Variants in DARS2 observed in about 807,000 individuals in gnomAD.
DARS2 encodes aspartate--tRNA ligase, mitochondrial.
DARS2 carries 63 observed loss-of-function variants against 83.0 expected under a neutral mutation model. The ratio of observed to expected loss-of-function variants is 0.76; its 90% confidence interval spans 0.62 to 0.94. The LOEUF is 0.94. Ranked by LOEUF, DARS2 falls within the 40% of genes least tolerant of loss-of-function variation. DARS2 has a pLI of 0.00. For synonymous variants in DARS2, 250 were observed against 269.3 expected, an observed-to-expected ratio of 0.93 and a Z score of 0.70; for missense variants, 675 against 774.4, an observed-to-expected ratio of 0.87 and a Z score of 1.52.
chr1:173,826,075 T>A (rs1227412912), intron 1 of DARS2, among the ~76,000 whole-genome samples: 4 of 151,118 alleles, frequency 2.6e-5, no homozygotes, highest in East Asian at 2.0e-4. Flanking sequence ...AAAAAAAAAA[T>A]TAGCCGGGCG....
At chr1:173,826,552 T>A (rs1379206035) in intron 1 of DARS2, 135 bp from the exon 2 acceptor site, 8 of 664,284 alleles carry the variant, frequency 1.2e-5, no homozygotes, top group Non-Finnish European at 2.1e-5. Context: ...CTCTGACTTA[T>A]TTTATTTTAT....
At chr1:173,853,316 A>T in intron 13 of DARS2, 33 bp from the exon 14 acceptor site, 1 of 1,597,248 alleles carries the variant, frequency 6.3e-7, no homozygotes, top group Non-Finnish European at 8.6e-7. Context: ...TCTGTCAAGA[A>T]GTTAACTCAA....
Position 173,857,568 on chromosome 1 carries a change from G to A in DARS2, c.1801G>A (p.Val601Ile), listed in dbSNP as rs755343936. The A allele has an allele frequency of 5.6e-6, 9 of 1,614,208 alleles. No individual in the cohort carries two copies. The South Asian group carries it at 8.8e-5, about 16-fold the overall frequency. The change falls in exon 17 of 17, where the codon GTC becomes ATC. Residue 601 changes from valine to isoleucine, a missense_variant. Physicochemically the swap from Val to Ile is conservative, Grantham distance 29. Coordinates refer to ENST00000649689, the MANE Select transcript of DARS2 (RefSeq NM_018122.5). ...CACTGGATCTCCAAGCATCAGAGAT[G>A]TCATAGCCTTCCCAAAGTCCTTCCG... ...LVTGSPSIRD[V>I]IAFPKSFRGH...
rs1230620136 is a variant in DARS2 at position 173,840,841 on chromosome 1, T to C, written c.1021-25T>C. The C allele has an allele frequency of 3.2e-6, 4 of 1,263,728 alleles. No individual in the cohort carries two copies. The South Asian group carries it at 4.8e-5, about 15-fold the overall frequency. 78.3% of individuals were successfully genotyped at this position (1,263,728 alleles called of 1,614,324 possible). On this transcript the variant is annotated intron_variant, in intron 10 of 16. Coordinates refer to ENST00000649689, the MANE Select transcript of DARS2 (RefSeq NM_018122.5). ...ATAAAAATTACTTCATATTTAGTTA[T>C]CTCTTTTTGTTACCCATTTTCCAGA...
intron 2 of DARS2, among the ~76,000 whole-genome samples, chr1:173,827,954 T>C (rs1309744046): frequency 6.6e-6 from 1 of 152,230 alleles, no homozygotes; most frequent in Non-Finnish European, 1.5e-5. Flanking sequence ...TTTTACTATA[T>C]GCAAAGTTTC....
At chr1:173,835,131 T>A (rs550462563) in intron 7 of DARS2, among the ~76,000 whole-genome samples, 2 of 151,156 alleles carry the variant, frequency 1.3e-5, no homozygotes, top group African/African-American at 4.9e-5. Context: ...ATTTTTTGTT[T>A]TTGTTTTTGT....
intron 5 of DARS2, among the ~76,000 whole-genome samples, chr1:173,832,291 T>G (rs533255771): frequency 1.3e-5 from 2 of 152,210 alleles, no homozygotes; most frequent in Admixed American, 1.3e-4. Flanking sequence ...CATGGCCAAT[T>G]GGTCTTACAT....
Position 173,856,708 on chromosome 1 carries a change from T to G in DARS2, c.1717T>G (p.Tyr573Asp). The change falls in exon 16 of 17, where the codon TAT becomes GAT. Residue 573 changes from tyrosine to aspartate, a missense_variant. Physicochemically the swap from Tyr to Asp is radical, Grantham distance 160. Transcript: ENST00000649689. ...CTCCCATCTGCTCCAGGCTTTAGATTATGGGGCACCCCCTCATGGAGGAAT... is the reference window on the plus strand; with the variant it reads ...CTCCCATCTGCTCCAGGCTTTAGATGATGGGGCACCCCCTCATGGAGGAAT... ...MLSHLLQALD[Y>D]GAPPHGGIAL... is the part of the protein sequence containing the mutation. 2.5e-6 allele frequency: 4 copies of G among 1,614,022 alleles called. No homozygotes were observed. The highest frequency in any genetic ancestry group is 3.4e-6 in the Non-Finnish European group (4 of 1,179,976).
chr1:173,847,372 A>G (rs963649282), intron 12 of DARS2, among the ~76,000 whole-genome samples: 1 of 152,174 alleles, frequency 6.6e-6, no homozygotes, highest in Admixed American at 6.5e-5. Flanking sequence ...AGGACCAGGA[A>G]ATAAGCCTGA....
chr1:173,831,679 G>GACTAGTCATCA, intron 5 of DARS2, 49 bp downstream of exon 5: 1 of 1,372,838 alleles, frequency 7.3e-7, no homozygotes, highest in South Asian at 1.2e-5. Flanking sequence ...AAATGTTGAT[G>GACTAGTCATCA]ACTAGTCAAG....
At chr1:173,836,264 G>A (rs954358285) in intron 7 of DARS2, among the ~76,000 whole-genome samples, 9 of 151,296 alleles carry the variant, frequency 5.9e-5, no homozygotes, top group Non-Finnish European at 1.0e-4. Flanking sequence ...ATTTCTGGCC[G>A]GGCGCAGTGG....
intron 13 of DARS2, among the ~76,000 whole-genome samples, chr1:173,850,750 C>T (rs1571996226): frequency 1.3e-5 from 2 of 151,638 alleles, no homozygotes; most frequent in Non-Finnish European, 1.5e-5. Context: ...GGATTACAGG[C>T]GCACGCTGCC....
chr1:173,848,007 C>A (rs1653504222), intron 12 of DARS2, among the ~76,000 whole-genome samples: 1 of 152,036 alleles, frequency 6.6e-6, no homozygotes, highest in Non-Finnish European at 1.5e-5. Flanking sequence ...CGCCCGCGAC[C>A]ACGCCCGGCT....
At chr1:173,848,329 A>G (rs902450146) in intron 12 of DARS2, among the ~76,000 whole-genome samples, 1 of 152,234 alleles carries the variant, frequency 6.6e-6, no homozygotes, top group African/African-American at 2.4e-5. Flanking sequence ...GATCAATAAT[A>G]ATTTGGCTTA....
intron 13 of DARS2, chr1:173,852,444 G>C (rs1653708868): frequency 6.0e-6 from 1 of 166,922 alleles, no homozygotes; most frequent in African/African-American, 2.4e-5. Context: ...CTAGGAAGTG[G>C]AGGAGCCGGA....
intron 10 of DARS2, 71 bp downstream of exon 10, chr1:173,839,617 T>C: frequency 7.0e-7 from 1 of 1,422,868 alleles, no homozygotes; most frequent in Middle Eastern, 1.8e-4. Flanking sequence ...ACTTTGAAAT[T>C]GACAAGTGTT....
At position 173,828,315 on chromosome 1, in the gene DARS2, C is replaced by CGG; in HGVS notation, c.228-18_228-17insGG. 4.1e-6 allele frequency: 4 copies of CGG among 981,442 alleles called. No homozygotes were observed. Among genetic ancestry groups the CGG allele is most frequent in the Non-Finnish European group, 6.1e-6 (4 of 654,630 alleles). 60.8% of individuals were successfully genotyped at this position (981,442 alleles called of 1,614,324 possible). A position where few individuals can be genotyped will look rare whatever the true frequency, so the allele number is the denominator to read the frequency against. ...ATTTTATCTTAAAATGTTTCTTTTC[C>CGG]CCCCCCCCATTAATCAGGCAAAACA... On this transcript the variant is annotated splice_polypyrimidine_tract_variant and intron_variant, in intron 2 of 16. Transcript: ENST00000649689.
chr1:173,852,649 T>C (rs1653717670), intron 13 of DARS2, among the ~76,000 whole-genome samples: 1 of 151,970 alleles, frequency 6.6e-6, no homozygotes, highest in Non-Finnish European at 1.5e-5. Context: ...GGATTACAAG[T>C]GCATGCCACC....
Position 173,837,035 on chromosome 1 carries a change from C to T in DARS2, c.759C>T (p.Gly253=), listed in dbSNP as rs149916824. ...AGTTTAAGCAACTTCTGATGGTTGG[C>T]GGTTTAGACAGGTGAGCTTTTTTTA... The part of the protein sequence containing the change: ...PQQFKQLLMV[G]GLDRYFQVAR... Residue 253 remains glycine, a synonymous_variant, in exon 8 of 17, where the codon GGC becomes GGT. Transcript: ENST00000649689. The T allele has an allele frequency of 1.9e-6, 3 of 1,613,144 alleles. No homozygotes were observed. Among genetic ancestry groups the T allele is most frequent in the South Asian group, 1.1e-5 (1 of 91,050 alleles).
Sources: allele counts gnomAD v4.1 joint callset (sites outside exome capture counted in the v4.1 genomes callset), GRCh38; gene constraint gnomAD v4.1.1; transcripts MANE v1.5; gene names NCBI Gene and HGNC (gene_info 2026-07-23, HGNC 2026-07-21).